Variants in SATL1 observed in about 807,000 individuals in gnomAD.
The protein encoded by SATL1 is spermidine/spermine N1-acetyl transferase like 1.
In SATL1, 47 loss-of-function variants were observed where a neutral mutation model predicts 51.8. The ratio of observed to expected loss-of-function variants is 0.91; its 90% CI spans 0.72 to 1.16. The LOEUF (loss-of-function observed/expected upper bound fraction) is 1.16, where lower values mean the gene tolerates loss of function less well. Among genes scored for constraint, SATL1 ranks in the 50% most tolerant of loss-of-function variants. SATL1 has a pLI of 0.00. For missense variants in SATL1, 520 were observed against 526.4 expected (o/e 0.99, Z 0.12); for synonymous variants, 176 against 182.4 (o/e 0.97, Z 0.28).
chrX:85,148,447 T>C (rs1162393134), intron 2 of SATL1, among the ~76,000 whole-genome samples: 2 of 109,883 alleles, frequency 1.8e-5, no homozygotes, highest in African/African-American at 6.6e-5. Flanking sequence ...AACATTCAGA[T>C]TCAGGAAATA....
At chrX:85,155,514 C>T (rs759006476) in intron 2 of SATL1, among the ~76,000 whole-genome samples, 1 of 111,737 alleles carries the variant, frequency 8.9e-6, no homozygotes, top group South Asian at 3.7e-4. Flanking sequence ...AAAAGTAAAA[C>T]GGAAAGATTT....
intron 2 of SATL1, among the ~76,000 whole-genome samples, chrX:85,171,795 T>C (rs1369173690): frequency 8.9e-6 from 1 of 111,786 alleles, no homozygotes. Flanking sequence ...TATTTCTGCA[T>C]ACTCTGCTCA....
At chrX:85,127,700 G>A (rs758939448) in intron 2 of SATL1, among the ~76,000 whole-genome samples, 2 of 111,078 alleles carry the variant, frequency 1.8e-5, no homozygotes, top group Non-Finnish European at 3.8e-5. Context: ...CAACATGCAG[G>A]TGTGTTACTT....
chrX:85,176,727 G>A (rs5923283), intron 2 of SATL1, among the ~76,000 whole-genome samples: 7,395 of 111,024 alleles, frequency 0.067, 278 homozygotes, highest in Non-Finnish European at 0.11. Context: ...TTGCTGTTTA[G>A]GGGGTCAGAG....
intron 2 of SATL1, among the ~76,000 whole-genome samples, chrX:85,149,766 C>G (rs1342901309): frequency 9.0e-6 from 1 of 111,165 alleles, no homozygotes; most frequent in Admixed American, 9.5e-5. Flanking sequence ...TTGAAACCAA[C>G]GAGAACAAAG....
chrX:85,109,122 A>G lies in SATL1; in HGVS notation c.-154T>C. On this transcript the variant is annotated 5_prime_UTR_variant, in exon 3 of 8. Transcript: ENST00000644105. ...GCTGTTCCCAGTTCTTCTCAATTTGATTCGCCCACTTTGAGATACCCCTCT... is the reference window on the plus strand; with the variant it reads ...GCTGTTCCCAGTTCTTCTCAATTTGGTTCGCCCACTTTGAGATACCCCTCT... 2.0e-6 allele frequency: 1 copy of G among 511,554 alleles called. No individual in the cohort carries two copies. The highest frequency in any genetic ancestry group is 3.2e-6 in the Non-Finnish European group (1 of 316,305). The allele number at this position is 511,554 out of a possible 1,213,427, so 42.2% of individuals were successfully genotyped here. A position where few individuals can be genotyped will look rare whatever the true frequency, so the allele number is the denominator to read the frequency against.
intron 4 of SATL1, among the ~76,000 whole-genome samples, chrX:85,099,529 A>T (rs776683323): frequency 8.9e-6 from 1 of 111,762 alleles, no homozygotes; most frequent in Non-Finnish European, 1.9e-5. Flanking sequence ...ACTCAACAGC[A>T]TATTAAAGGG....
At chrX:85,119,323 A>T (rs1925454914) in intron 2 of SATL1, among the ~76,000 whole-genome samples, 1 of 111,519 alleles carries the variant, frequency 9.0e-6, no homozygotes, top group Non-Finnish European at 1.9e-5. Context: ...AACTTTAACT[A>T]AAGTATTGCG....
chrX:85,241,647 G>C (rs1186755932), intron 1 of SATL1, among the ~76,000 whole-genome samples: 2 of 111,605 alleles, frequency 1.8e-5, no homozygotes, highest in African/African-American at 6.5e-5. Flanking sequence ...TCCCTAGCCA[G>C]GATTACCAAA....
At chrX:85,237,353 T>A (rs1692588549) in intron 1 of SATL1, among the ~76,000 whole-genome samples, 1 of 111,084 alleles carries the variant, frequency 9.0e-6, no homozygotes, top group Non-Finnish European at 1.9e-5. Context: ...AATAGACACA[T>A]AAATTAATGG....
At chrX:85,141,083 A>C (rs934631753) in intron 2 of SATL1, among the ~76,000 whole-genome samples, 11 of 111,558 alleles carry the variant, frequency 9.9e-5, no homozygotes, top group Admixed American at 4.8e-4. Flanking sequence ...CAGCCATTCC[A>C]AGCATCACAT....
At chrX:85,220,955 C>T (rs948881034) in intron 2 of SATL1, among the ~76,000 whole-genome samples, 6 of 111,235 alleles carry the variant, frequency 5.4e-5, no homozygotes, top group Admixed American at 3.8e-4. Context: ...GAAATACCAC[C>T]ACCTTTTCCC....
At chrX:85,097,774 A>G (rs772302630) in intron 4 of SATL1, among the ~76,000 whole-genome samples, 8 of 112,563 alleles carry the variant, frequency 7.1e-5, no homozygotes, top group Non-Finnish European at 1.3e-4. Flanking sequence ...AATCAAAATT[A>G]GATTGTTATA....
intron 2 of SATL1, among the ~76,000 whole-genome samples, chrX:85,163,044 T>C (rs1926759078): frequency 9.2e-6 from 1 of 109,279 alleles, no homozygotes; most frequent in African/African-American, 3.3e-5. Flanking sequence ...GGTATTTGGG[T>C]GATACTGGCT....
intron 2 of SATL1, among the ~76,000 whole-genome samples, chrX:85,131,970 A>C (rs1480697424): frequency 2.7e-5 from 3 of 111,841 alleles, no homozygotes; most frequent in Admixed American, 1.9e-4. Context: ...AATACTGAAT[A>C]CTGGCCCCCA....
intron 2 of SATL1, among the ~76,000 whole-genome samples, chrX:85,204,271 A>G (rs1272694330): frequency 9.0e-6 from 1 of 111,510 alleles, no homozygotes; most frequent in Non-Finnish European, 1.9e-5. Context: ...CTGTGCGTCA[A>G]GTTGTTTCCT....
chrX:85,123,306 C>A (rs1488766554), intron 2 of SATL1, among the ~76,000 whole-genome samples: 2 of 111,433 alleles, frequency 1.8e-5, no homozygotes, highest in African/African-American at 6.5e-5. Context: ...CTTTCCCCCA[C>A]AACCTCACCA....
chrX:85,098,692 G>A lies in SATL1; in HGVS notation c.1694-3696C>T, dbSNP rs533687898. ...TACAAATATGTGGAAATTAAACAAC[G>A]CACCGTACACAACCAATGGGTCAAA... On this transcript the variant is annotated intron_variant, in intron 4 of 7. Transcript: ENST00000644105. Among the ~76,000 whole-genome samples the A allele has an allele frequency of 1.3e-4, 15 of 111,412 alleles. No homozygotes were observed. The South Asian group carries it at 5.2e-3, about 39-fold the overall frequency.
At chrX:85,112,717 A>G (rs920956184) in intron 2 of SATL1, among the ~76,000 whole-genome samples, 4 of 110,668 alleles carry the variant, frequency 3.6e-5, no homozygotes, top group Admixed American at 9.6e-5. Context: ...CACTCACCCA[A>G]CTCCTGAGAT....
Sources: gnomAD v4.1 joint callset for allele counts (sites outside exome capture counted in the v4.1 genomes callset) on GRCh38, gnomAD v4.1.1 for gene constraint, MANE v1.5 for transcripts, NCBI Gene and HGNC (gene_info 2026-07-23, HGNC 2026-07-21) for gene names.